Variants in GPHN observed in about 807,000 individuals in gnomAD.
The protein encoded by GPHN is gephyrin.
GPHN carries 17 observed loss-of-function variants against 95.5 expected under a neutral mutation model. The observed-to-expected ratio is 0.18, with a 90% confidence interval of 0.12 to 0.27. The LOEUF (loss-of-function observed/expected upper bound fraction) is 0.27, where lower values mean the gene tolerates loss of function less well. Ranked by LOEUF, GPHN falls within the 10% of genes least tolerant of loss-of-function variation. The pLI is 1.00. For missense variants in GPHN, 660 were observed against 978.1 expected, an observed-to-expected ratio of 0.67 and a Z score of 4.34; for synonymous variants, 320 against 322.5, an observed-to-expected ratio of 0.99 and a Z score of 0.08.
chr14:66,758,257 G>C (rs777347156), intron 2 of GPHN, among the ~76,000 whole-genome samples: 2 of 152,204 alleles, frequency 1.3e-5, no homozygotes, highest in African/African-American at 4.8e-5. Context: ...GCTTTAAACT[G>C]TCTTTGGCTT....
chr14:67,702,852 T>C, the GPHN span, among the ~76,000 whole-genome samples: 1 of 152,232 alleles, frequency 6.6e-6, no homozygotes, highest in Non-Finnish European at 1.5e-5. Context: ...CTCACTCTGT[T>C]GCCCAGGGTA....
At chr14:67,338,431 T>C in the GPHN span, 28 of 604,014 alleles carry the variant, frequency 4.6e-5, no homozygotes, top group Middle Eastern at 4.3e-4. Flanking sequence ...ACAGATCTCT[T>C]TCATCCATGA....
At chr14:67,138,634 T>C (rs547729675) in intron 17 of GPHN, among the ~76,000 whole-genome samples, 3 of 152,124 alleles carry the variant, frequency 2.0e-5, no homozygotes, top group Non-Finnish European at 4.4e-5. Flanking sequence ...GATGGATACA[T>C]GGGTGTTTGT....
chr14:67,675,130 G>A, the GPHN span, among the ~76,000 whole-genome samples: 4 of 152,200 alleles, frequency 2.6e-5, no homozygotes, highest in Admixed American at 1.3e-4. Context: ...TTCGGCCCTG[G>A]AAAGATAGCC....
intron 17 of GPHN, among the ~76,000 whole-genome samples, chr14:67,126,071 G>C (rs760000690): frequency 3.3e-5 from 5 of 151,886 alleles, no homozygotes; most frequent in Non-Finnish European, 7.4e-5. Flanking sequence ...ATTACTGGAG[G>C]GATGCTTCAA....
the GPHN span, among the ~76,000 whole-genome samples, chr14:67,339,710 T>C: frequency 6.6e-6 from 1 of 152,246 alleles, no homozygotes; most frequent in South Asian, 2.1e-4. Context: ...CTCCTGAACA[T>C]GAAATACATA....
At chr14:67,525,066 T>C in the GPHN span, among the ~76,000 whole-genome samples, 3 of 152,184 alleles carry the variant, frequency 2.0e-5, no homozygotes, top group Non-Finnish European at 2.9e-5. Flanking sequence ...TTTTAAAACA[T>C]TTTAATAGCT....
At chr14:67,342,213 TA>T in the GPHN span, among the ~76,000 whole-genome samples, 1,047 of 119,764 alleles carry the variant, frequency 8.7e-3, 10 homozygotes, top group African/African-American at 0.03. Context: ...AATAAATAAA[TA>T]AAATAAAATA....
intron 3 of GPHN, among the ~76,000 whole-genome samples, chr14:66,795,551 T>C (rs1240324515): frequency 6.6e-6 from 1 of 152,112 alleles, no homozygotes; most frequent in Non-Finnish European, 1.5e-5. Context: ...TAACTTGTTA[T>C]ATATTCTTCG....
the GPHN span, among the ~76,000 whole-genome samples, chr14:67,689,814 C>T: frequency 2.6e-5 from 4 of 151,878 alleles, no homozygotes; most frequent in Non-Finnish European, 2.9e-5. Context: ...CCTGGTGGCA[C>T]GCACCTGTAG....
intron 1 of GPHN, among the ~76,000 whole-genome samples, chr14:66,670,027 T>C (rs185392998): frequency 6.6e-6 from 1 of 152,244 alleles, no homozygotes; most frequent in African/African-American, 2.4e-5. Context: ...ACCTGAACAT[T>C]TTGGGTCTTA....
intron 8 of GPHN, among the ~76,000 whole-genome samples, chr14:66,929,338 C>T (rs982949814): frequency 2.6e-5 from 4 of 152,066 alleles, no homozygotes; most frequent in African/African-American, 9.7e-5. Flanking sequence ...AGCTACCACG[C>T]CCAGCCTCAA....
chr14:67,476,777 A>C, the GPHN span, among the ~76,000 whole-genome samples: 4 of 152,128 alleles, frequency 2.6e-5, no homozygotes, highest in Admixed American at 2.6e-4. Flanking sequence ...CATCCCCTGC[A>C]CATGACTGCC....
intron 4 of GPHN, among the ~76,000 whole-genome samples, chr14:66,836,254 A>G (rs908293537): frequency 7.4e-6 from 1 of 134,820 alleles, no homozygotes; most frequent in African/African-American, 3.5e-5. Context: ...GATATAGATC[A>G]ATGGAACAGA....
the GPHN span, chr14:67,321,065 C>T: frequency 3.1e-6 from 5 of 1,613,846 alleles, no homozygotes; most frequent in African/African-American, 1.3e-5. Context: ...AGATACAACC[C>T]GGAGTAGGCG....
chr14:66,710,004 GA>G (rs1050714704), intron 2 of GPHN, among the ~76,000 whole-genome samples: 1 of 152,024 alleles, frequency 6.6e-6, no homozygotes, highest in African/African-American at 2.4e-5. Flanking sequence ...GGAAGTAATG[GA>G]AAGCTATGTT....
chr14:67,085,658 G>T lies in GPHN; in HGVS notation c.1145-3325G>T, dbSNP rs191931157. Among the ~76,000 whole-genome samples the T allele has an allele frequency of 6.0e-3, 917 of 152,308 alleles. 12 individuals carry two copies. Among genetic ancestry groups the T allele is most frequent in the African/African-American group, 0.021 (871 of 41,564 alleles). ...TAACTGTTGATTCTTATGGCAAACAGATTTGTAGTTTTTTGTTGTTGATGA... is the reference window on the plus strand; with the variant it reads ...TAACTGTTGATTCTTATGGCAAACATATTTGTAGTTTTTTGTTGTTGATGA... On this transcript the variant is annotated intron_variant, in intron 11 of 22. Transcript: ENST00000478722.
chr14:66,684,877 T>C (rs1361164201), intron 2 of GPHN, among the ~76,000 whole-genome samples: 1 of 152,152 alleles, frequency 6.6e-6, no homozygotes, highest in Non-Finnish European at 1.5e-5. Context: ...ATTAGGTATA[T>C]CTCCTAATGC....
the GPHN span, among the ~76,000 whole-genome samples, chr14:67,732,476 G>T: frequency 1.4e-5 from 2 of 145,942 alleles, no homozygotes; most frequent in Non-Finnish European, 3.0e-5. Context: ...GTATGATCCC[G>T]GTTTTATGTA....
Sources: allele counts gnomAD v4.1 joint callset (sites outside exome capture counted in the v4.1 genomes callset), GRCh38; gene constraint gnomAD v4.1.1; transcripts MANE v1.5; gene names NCBI Gene and HGNC (gene_info 2026-07-23, HGNC 2026-07-21).